ANKRD31: variants seen among roughly 807,000 people sequenced by gnomAD.
ANKRD31 encodes ankyrin repeat domain-containing protein 31.
In ANKRD31, 147 loss-of-function variants were observed where a neutral mutation model predicts 186.0. The observed-to-expected ratio is 0.79, with a 90% confidence interval of 0.69 to 0.91. The LOEUF (loss-of-function observed/expected upper bound fraction) is 0.91, where lower values mean the gene tolerates loss of function less well. Ranked by LOEUF, ANKRD31 falls within the 40% of genes least tolerant of loss-of-function variation. The probability of loss-of-function intolerance (pLI) is 0.00; values close to 1 mark genes in which losing one functional copy is unlikely to be tolerated. For synonymous variants in ANKRD31, 673 were observed against 736.4 expected (o/e 0.91, Z 1.39); for missense variants, 1,986 against 2,148.8 (o/e 0.92, Z 1.50).
rs1745907340 is a variant in ANKRD31 at position 75,091,354 on chromosome 5, T to C, written c.5379A>G (p.Val1793=). 1 of 1,537,128 alleles carries C rather than the reference T, an allele frequency of 6.5e-7. No homozygotes were observed. The highest frequency in any genetic ancestry group is 1.2e-5 in the South Asian group (1 of 84,046). The change falls in exon 23 of 26, where the codon GTA becomes GTG. Residue 1793 remains valine (V), a synonymous_variant. Coordinates refer to ENST00000506364, the MANE Select transcript of ANKRD31 (RefSeq NM_001372053.1). ...ASILLNGKLK[V]ESGQIYKNPV... ...GGTTTTTATAAATCTGACCACTTTC[T>C]ACCTTAAGTTTACCATTCAATAAAA... is the stretch of plus-strand genomic sequence containing the variant.
chr5:75,176,504 T>A (rs1753814693), intron 10 of ANKRD31, among the ~76,000 whole-genome samples: 1 of 152,046 alleles, frequency 6.6e-6, no homozygotes, highest in African/African-American at 2.4e-5. Context: ...GACTGACACC[T>A]CACATGGCCG....
At chr5:75,084,567 C>T (rs1280332737) in intron 23 of ANKRD31, among the ~76,000 whole-genome samples, 193 bp from the exon 24 acceptor site, 2 of 152,150 alleles carry the variant, frequency 1.3e-5, no homozygotes, top group Non-Finnish European at 1.5e-5. Flanking sequence ...AACAGTGATG[C>T]TCATTCATTT....
At position 75,229,918 on chromosome 5, in the gene ANKRD31, ACT is replaced by A. The variant is rs550099877; in HGVS notation, c.178+642_178+643del. Among the ~76,000 whole-genome samples, 8 of 145,776 alleles carry A rather than the reference ACT, an allele frequency of 5.5e-5. No individual in the cohort carries two copies. In the East Asian group the frequency reaches 8.1e-4, roughly 15 times the overall value. ...AAAACATCAATTCCCAGCAAGGGCCACTCTCTGTGGAATTTGTATGTTCTCCC... is the reference window on the plus strand; with the variant it reads ...AAAACATCAATTCCCAGCAAGGGCCACTCTGTGGAATTTGTATGTTCTCCC... On this transcript the variant is annotated intron_variant, in intron 2 of 25. Transcript: ENST00000506364.
chr5:75,115,446 G>T (rs1485920153), intron 19 of ANKRD31, among the ~76,000 whole-genome samples: 2 of 152,058 alleles, frequency 1.3e-5, no homozygotes, highest in African/African-American at 2.4e-5. Context: ...CACAGGAAAA[G>T]AAACTACCAT....
At chr5:75,112,662 A>G in intron 19 of ANKRD31, 62 bp from the exon 20 acceptor site, 2 of 1,024,094 alleles carry the variant, frequency 2.0e-6, no homozygotes, top group South Asian at 1.7e-5. Context: ...CTGATATGCC[A>G]TTGACAAACA....
rs1011054826 is a variant in ANKRD31, at chr5:75,068,630, A to G, written c.5682T>C (p.Arg1894=). ...TSRESMQSSP[R]YLQINEILLI... Reference sequence around the variant, plus strand: ...ATAGTATTTCATTTATTTGTAGATAACGTGGGCTGCTTTGCATTGACTCTC... The same window carrying G: ...ATAGTATTTCATTTATTTGTAGATAGCGTGGGCTGCTTTGCATTGACTCTC... Residue 1894 remains arginine, a synonymous_variant, in exon 26 of 26, where the codon CGT becomes CGC. Coordinates refer to ENST00000506364, the MANE Select transcript of ANKRD31 (RefSeq NM_001372053.1). The G allele has an allele frequency of 6.6e-7, 1 of 1,523,280 alleles. No individual in the cohort carries two copies. The highest frequency in any genetic ancestry group is 1.4e-5 in the African/African-American group (1 of 72,502). The allele number at this position is 1,523,280 out of a possible 1,614,324, so 94.4% of individuals were successfully genotyped here.
At chr5:75,121,155 C>T (rs1480332742) in intron 17 of ANKRD31, among the ~76,000 whole-genome samples, 3 of 150,702 alleles carry the variant, frequency 2.0e-5, no homozygotes, top group Non-Finnish European at 4.4e-5. Flanking sequence ...TACACTCCAG[C>T]CTGCTGACAG....
In ANKRD31 at chr5:75,136,584, ACC is replaced by A. The variant is rs1345016699; in HGVS notation, c.3876+1270_3876+1271del. Among the ~76,000 whole-genome samples, 87 of 152,370 alleles carry A rather than the reference ACC, an allele frequency of 5.7e-4. 1 individual carries two copies. Among genetic ancestry groups the A allele is most frequent in the African/African-American group, 2.0e-3 (83 of 41,576 alleles). ...ATTGGTGGGACTGTAAACTAGTTCA[ACC>A]ATTGTGGAAGACAGTGTGGCGATTC... On this transcript the variant is annotated intron_variant, in intron 17 of 25. Coordinates refer to ENST00000506364, the MANE Select transcript of ANKRD31 (RefSeq NM_001372053.1).
chr5:75,153,868 C>T (rs1249423537), intron 12 of ANKRD31, among the ~76,000 whole-genome samples: 1 of 151,858 alleles, frequency 6.6e-6, no homozygotes, highest in Non-Finnish European at 1.5e-5. Flanking sequence ...ATAATCCTGG[C>T]CATTTTCACT....
intron 11 of ANKRD31, among the ~76,000 whole-genome samples, chr5:75,162,679 A>G (rs560949809): frequency 3.7e-4 from 56 of 152,254 alleles, no homozygotes; most frequent in Non-Finnish European, 6.5e-4. Context: ...GTACTCCCAT[A>G]ATTCCCATGT....
chr5:75,136,222 A>C (rs1170029564), intron 17 of ANKRD31, among the ~76,000 whole-genome samples: 1 of 152,238 alleles, frequency 6.6e-6, no homozygotes, highest in African/African-American at 2.4e-5. Context: ...CAGAGTGAAC[A>C]GGTGACCTAC....
At chr5:75,109,571 C>A (rs1747601326) in intron 20 of ANKRD31, among the ~76,000 whole-genome samples, 1 of 152,148 alleles carries the variant, frequency 6.6e-6, no homozygotes, top group Non-Finnish European at 1.5e-5. Context: ...ATTTAGAGAA[C>A]CTAGCTGAAC....
intron 11 of ANKRD31, among the ~76,000 whole-genome samples, chr5:75,157,413 TGAG>T (rs1237701827): frequency 1.3e-5 from 2 of 152,082 alleles, no homozygotes; most frequent in African/African-American, 2.4e-5. Context: ...TAGTAAAATG[TGAG>T]GAGAAAAAGA....
At position 75,100,517 on chromosome 5, in the gene ANKRD31, G is replaced by A. The variant is rs192236321; in HGVS notation, c.5331+3711C>T. The stretch of plus-strand genomic sequence containing the variant: ...CTCGTTGATCTGTCTAATGTTGACA[G>A]TGGGGTGTTAAAGTCTCCCATTATT... On this transcript the variant is annotated intron_variant, in intron 22 of 25. Coordinates refer to ENST00000506364, the MANE Select transcript of ANKRD31 (RefSeq NM_001372053.1). Among the ~76,000 whole-genome samples the A allele has an allele frequency of 2.0e-5, 3 of 152,314 alleles. No homozygotes were observed. The East Asian group carries it at 5.8e-4, about 29-fold the overall frequency.
chr5:75,114,600 T>A lies in ANKRD31; in HGVS notation c.4155+1966A>T, dbSNP rs567242143. 3.9e-4 allele frequency among the ~76,000 whole-genome samples: 59 copies of A among 152,214 alleles called. 1 individual carries two copies. Among genetic ancestry groups the A allele is most frequent in the Admixed American group, 1.0e-3 (16 of 15,264 alleles). On this transcript the variant is annotated intron_variant, in intron 19 of 25. Transcript: ENST00000506364. ...CAACGTACAAAAATCACAAGCATTC[T>A]TATACACCAACAACAGACAAACAGA... is the stretch of plus-strand genomic sequence containing the variant.
intron 17 of ANKRD31, among the ~76,000 whole-genome samples, chr5:75,125,987 C>T (rs58004329): frequency 0.048 from 7,273 of 152,234 alleles, 373 homozygotes; most frequent in African/African-American, 0.13. Flanking sequence ...CCTTTCTGCC[C>T]CTCTGCAATC....
chr5:75,084,940 A>G (rs971348643), intron 23 of ANKRD31, among the ~76,000 whole-genome samples: 2 of 152,200 alleles, frequency 1.3e-5, no homozygotes, highest in African/African-American at 4.8e-5. Context: ...GAGCTTAGAA[A>G]TATCTACACA....
At chr5:75,101,587 T>C (rs184989525) in intron 22 of ANKRD31, among the ~76,000 whole-genome samples, 2 of 152,278 alleles carry the variant, frequency 1.3e-5, no homozygotes, top group Non-Finnish European at 2.9e-5. Context: ...GATTTGGTCT[T>C]TTCATATAGT....
At chr5:75,152,410 T>C (rs920463601) in intron 12 of ANKRD31, among the ~76,000 whole-genome samples, 2 of 151,992 alleles carry the variant, frequency 1.3e-5, no homozygotes, top group African/African-American at 4.8e-5. Flanking sequence ...ACTCACTTCA[T>C]GGTGAGAAGG....
Sources: gnomAD v4.1 joint callset for allele counts (sites outside exome capture counted in the v4.1 genomes callset) on GRCh38, gnomAD v4.1.1 for gene constraint, MANE v1.5 for transcripts, NCBI Gene and HGNC (gene_info 2026-07-23, HGNC 2026-07-21) for gene names.